USP47: variants seen among roughly 807,000 people sequenced by gnomAD.
USP47 encodes the protein ubiquitin carboxyl-terminal hydrolase 47.
USP47 carries 35 observed loss-of-function variants against 165.1 expected under a neutral mutation model. The observed-to-expected ratio is 0.21, with a 90% confidence interval of 0.16 to 0.28. The LOEUF (loss-of-function observed/expected upper bound fraction) is 0.28. USP47 is among the 10% of genes least tolerant of loss of function. The pLI is 1.00. For missense variants in USP47, 1,277 were observed against 1,607.4 expected (o/e 0.79, Z 3.52); for synonymous variants, 531 against 544.5 (o/e 0.98, Z 0.35).
At chr11:11,925,630 T>G (rs113801519) in intron 11 of USP47, among the ~76,000 whole-genome samples, 4,756 of 143,430 alleles carry the variant, frequency 0.033, 227 homozygotes, top group African/African-American at 0.11. Context: ...ATTTACTTGT[T>G]AGGGTTTTTT....
chr11:11,913,924 A>C (rs973702516), intron 8 of USP47, among the ~76,000 whole-genome samples: 2 of 152,084 alleles, frequency 1.3e-5, no homozygotes, highest in Admixed American at 1.3e-4. Flanking sequence ...TAAATGGAGA[A>C]ACATACTGTA....
intron 1 of USP47, among the ~76,000 whole-genome samples, chr11:11,850,874 C>G (rs1848687735): frequency 6.6e-6 from 1 of 152,236 alleles, no homozygotes; most frequent in Non-Finnish European, 1.5e-5. Flanking sequence ...CACAGAGCAG[C>G]ACCGTCTCGC....
intron 8 of USP47, among the ~76,000 whole-genome samples, chr11:11,918,346 C>T (rs1385520440): frequency 6.6e-6 from 1 of 152,058 alleles, no homozygotes; most frequent in Non-Finnish European, 1.5e-5. Flanking sequence ...AGAGACCAAA[C>T]AAAATCTGTG....
chr11:11,883,780 C>T (rs1850983579), intron 2 of USP47, among the ~76,000 whole-genome samples: 1 of 152,100 alleles, frequency 6.6e-6, no homozygotes, highest in Non-Finnish European at 1.5e-5. Flanking sequence ...AATTGCCCTA[C>T]CATATAAGTT....
intron 24 of USP47, 30 bp downstream of exon 24, chr11:11,950,512 C>T (rs1276845818): frequency 7.0e-7 from 1 of 1,437,602 alleles, no homozygotes; most frequent in Non-Finnish European, 9.7e-7. Flanking sequence ...GGGGAAGTAT[C>T]AGTTAGAAAT....
At chr11:11,892,169 T>G in intron 4 of USP47, 63 bp downstream of exon 4, 2 of 1,526,790 alleles carry the variant, frequency 1.3e-6, no homozygotes, top group Non-Finnish European at 1.8e-6. Context: ...CTTAGCGATT[T>G]GAAGCCTAAT....
chr11:11,867,878 T>C (rs540170204), intron 1 of USP47, among the ~76,000 whole-genome samples: 143 of 151,584 alleles, frequency 9.4e-4, no homozygotes, highest in African/African-American at 3.4e-3. Flanking sequence ...ATTCTTGGCT[T>C]GGAGTTTTGT....
intron 1 of USP47, among the ~76,000 whole-genome samples, chr11:11,847,279 GTT>G (rs760902600): frequency 7.0e-6 from 1 of 142,014 alleles, no homozygotes; most frequent in Non-Finnish European, 1.6e-5. Context: ...TTTACATAGT[GTT>G]TTTTTTTTTT....
In USP47 at chr11:11,923,651, C is replaced by T. The variant is rs1854027189; in HGVS notation, c.1386+760C>T. The stretch of plus-strand genomic sequence containing the variant: ...CTAATGTGAAGACTGATCACTAACT[C>T]AGGTATTACAGAGTCATTAAATATA... On this transcript the variant is annotated intron_variant, in intron 11 of 27. Coordinates refer to ENST00000527733, the MANE Select transcript of USP47 (RefSeq NM_001282659.2). 2.0e-5 allele frequency among the ~76,000 whole-genome samples: 3 copies of T among 152,106 alleles called. No individual in the cohort carries two copies. The South Asian group carries it at 6.2e-4, about 31-fold the overall frequency.
intron 1 of USP47, among the ~76,000 whole-genome samples, chr11:11,864,595 A>G (rs911842244): frequency 4.6e-5 from 7 of 151,906 alleles, no homozygotes; most frequent in Non-Finnish European, 8.8e-5. Flanking sequence ...GAATTTGACT[A>G]GTGTAGATAT....
chr11:11,935,438 G>C (rs544214564), intron 16 of USP47, among the ~76,000 whole-genome samples: 1 of 151,962 alleles, frequency 6.6e-6, no homozygotes, highest in Admixed American at 6.6e-5. Flanking sequence ...GCAAGCATTA[G>C]TCTTGAAAAT....
At chr11:11,883,500 C>T (rs192089156) in intron 2 of USP47, among the ~76,000 whole-genome samples, 3 of 152,234 alleles carry the variant, frequency 2.0e-5, no homozygotes, top group Admixed American at 2.0e-4. Context: ...TTTTTTTGTC[C>T]TCAGTACCTG....
At position 11,922,851 on chromosome 11, in the gene USP47, A is replaced by T. The variant is rs1237971771; in HGVS notation, c.1346A>T (p.Asn449Ile). ...GATGAAGGAATCTGTCTTGAAACCA[A>T]TAGTGGAACTGAAAAGATCTCAAAA... is the stretch of plus-strand genomic sequence containing the variant. The part of the protein sequence containing the change: ...GVDEGICLET[N>I]SGTEKISKSG... The change falls in exon 11 of 28, where the codon AAT becomes ATT. Residue 449 changes from asparagine (N) to isoleucine (I), a missense_variant. Physicochemically the swap from Asn to Ile is moderately radical, Grantham distance 149. Around this residue, in one of 4 missense-constraint regions of USP47, gnomAD observed 909 missense variants for 1,068.1 expected, o/e 0.85. Coordinates refer to ENST00000527733, the MANE Select transcript of USP47 (RefSeq NM_001282659.2). 5.0e-6 allele frequency: 8 copies of T among 1,610,736 alleles called. No homozygotes were observed. The East Asian group carries it at 1.8e-4, about 36-fold the overall frequency.
chr11:11,948,369 C>A, intron 21 of USP47, 109 bp from the exon 22 acceptor site: 1 of 964,026 alleles, frequency 1.0e-6, no homozygotes, highest in African/African-American at 1.6e-5. Context: ...TATGCCTGTT[C>A]TCAGAGAGCC....
chr11:11,858,699 C>T (rs1323810319), intron 1 of USP47, among the ~76,000 whole-genome samples: 1 of 152,164 alleles, frequency 6.6e-6, no homozygotes, highest in Non-Finnish European at 1.5e-5. Context: ...AATTTTTTCA[C>T]CTAGCATAAA....
At chr11:11,852,060 A>T (rs1166189606) in intron 1 of USP47, among the ~76,000 whole-genome samples, 1 of 152,170 alleles carries the variant, frequency 6.6e-6, no homozygotes, top group Non-Finnish European at 1.5e-5. Context: ...ATTTAAAGTT[A>T]CTCAGCCAGG....
intron 3 of USP47, among the ~76,000 whole-genome samples, chr11:11,887,672 CAG>C (rs762729267): frequency 6.6e-6 from 1 of 152,124 alleles, no homozygotes; most frequent in Non-Finnish European, 1.5e-5. Context: ...ATCATCGAAA[CAG>C]AAAATTAACA....
At chr11:11,931,549 C>T (rs1854666643) in intron 14 of USP47, among the ~76,000 whole-genome samples, 1 of 152,152 alleles carries the variant, frequency 6.6e-6, no homozygotes, top group Non-Finnish European at 1.5e-5. Context: ...GAAGCAGAGC[C>T]AGTATTGTAA....
chr11:11,885,799 C>T, intron 3 of USP47, among the ~76,000 whole-genome samples: 1 of 152,330 alleles, frequency 6.6e-6, no homozygotes, highest in East Asian at 1.9e-4. Context: ...GGAATTGGCT[C>T]CCAACGGGTT....
Sources: allele counts gnomAD v4.1 joint callset (sites outside exome capture counted in the v4.1 genomes callset), GRCh38; gene constraint gnomAD v4.1.1; regional missense constraint gnomAD v4.1.1; transcripts MANE v1.5; gene names NCBI Gene and HGNC (gene_info 2026-07-23, HGNC 2026-07-21).